The following DGKH variants were observed in gnomAD, a reference collection of about 807,000 sequenced individuals.
DGKH encodes DAG kinase eta.
DGKH carries 90 observed loss-of-function variants against 159.3 expected under a neutral mutation model. That is an observed-to-expected ratio of 0.57 (90% CI 0.48 to 0.67). The LOEUF is 0.67. Among genes scored for constraint, DGKH ranks in the 30% least tolerant of loss-of-function variants. The pLI, the probability that DGKH is intolerant of heterozygous loss-of-function variation, is 0.00. For synonymous variants in DGKH, 536 were observed against 553.8 expected (o/e 0.97, Z 0.45); for missense variants, 1,181 against 1,506.1 (o/e 0.78, Z 3.57).
chr13:42,192,251 T>G (rs949228339), intron 16 of DGKH, among the ~76,000 whole-genome samples: 8 of 152,196 alleles, frequency 5.3e-5, no homozygotes, highest in Non-Finnish European at 8.8e-5. Context: ...AGGCATGTTC[T>G]AGGACCCTTG....
chr13:42,115,885 A>G (rs1442165461), intron 1 of DGKH, among the ~76,000 whole-genome samples: 2 of 152,200 alleles, frequency 1.3e-5, no homozygotes, highest in Non-Finnish European at 2.9e-5. Flanking sequence ...GAGAGCACCT[A>G]GTAAACTATT....
At position 42,136,901 on chromosome 13, in the gene DGKH, C is replaced by T. The variant is rs115506698; in HGVS notation, c.384+7269C>T. On this transcript the variant is annotated intron_variant, in intron 3 of 29. Transcript: ENST00000337343. Reference sequence around the variant, plus strand: ...TAGCATTAGATTATTATTCTTTCTACGAGGGTTTAAAAGGTCTACATAAAA... The same window carrying T: ...TAGCATTAGATTATTATTCTTTCTATGAGGGTTTAAAAGGTCTACATAAAA... Among the ~76,000 whole-genome samples the T allele has an allele frequency of 3.0e-3, 449 of 152,128 alleles. 2 individuals carry two copies. The highest frequency in any genetic ancestry group is 0.01 in the African/African-American group (432 of 41,496).
At chr13:42,114,948 C>T (rs547289501) in intron 1 of DGKH, among the ~76,000 whole-genome samples, 4 of 152,288 alleles carry the variant, frequency 2.6e-5, no homozygotes, top group Admixed American at 1.3e-4. Context: ...CATAGCATTT[C>T]GGAGTTTACA....
At chr13:42,125,934 G>A (rs930546293) in intron 1 of DGKH, among the ~76,000 whole-genome samples, 3 of 152,122 alleles carry the variant, frequency 2.0e-5, no homozygotes, top group Non-Finnish European at 4.4e-5. Flanking sequence ...AAAAATTTTG[G>A]TTCTACAAGC....
chr13:42,141,660 G>A (rs1955563526), intron 3 of DGKH, among the ~76,000 whole-genome samples: 1 of 152,158 alleles, frequency 6.6e-6, no homozygotes, highest in South Asian at 2.1e-4. Context: ...GTATTGATGA[G>A]CATTTTTTCA....
chr13:42,047,609 A>T (rs947743636), upstream of DGKH, among the ~76,000 whole-genome samples: 1 of 152,124 alleles, frequency 6.6e-6, no homozygotes, highest in African/African-American at 2.4e-5. Context: ...GGCTTCTTTG[A>T]CGTTGAGCGT....
At chr13:42,103,491 C>T (rs998281347) in intron 1 of DGKH, among the ~76,000 whole-genome samples, 2 of 152,208 alleles carry the variant, frequency 1.3e-5, no homozygotes, top group Admixed American at 6.5e-5. Flanking sequence ...TCACTTCCCT[C>T]TGCGATTCCC....
intron 24 of DGKH, among the ~76,000 whole-genome samples, chr13:42,211,789 C>T (rs778022254): frequency 6.6e-6 from 1 of 152,126 alleles, no homozygotes; most frequent in Non-Finnish European, 1.5e-5. Context: ...AAAGGAGGAG[C>T]AAAGGCACGT....
At chr13:42,040,605 C>T (rs1880428487) in intron 1 of DGKH, among the ~76,000 whole-genome samples, 3 of 151,210 alleles carry the variant, frequency 2.0e-5, no homozygotes, top group African/African-American at 7.3e-5. Flanking sequence ...GCGGCGGTGG[C>T]GGGGAGCGGA....
intron 1 of DGKH, among the ~76,000 whole-genome samples, chr13:42,083,528 G>A (rs1313193100): frequency 6.6e-6 from 1 of 152,214 alleles, no homozygotes; most frequent in East Asian, 1.9e-4. Flanking sequence ...CGGGGTTCCT[G>A]GCGCCATTTT....
chr13:42,050,263 C>T (rs912870267), intron 1 of DGKH, among the ~76,000 whole-genome samples: 1 of 152,070 alleles, frequency 6.6e-6, no homozygotes, highest in Non-Finnish European at 1.5e-5. Flanking sequence ...CCCAGCTCCT[C>T]GGGAGGCTGA....
At chr13:42,099,673 C>A (rs1240496493) in intron 1 of DGKH, among the ~76,000 whole-genome samples, 1 of 152,144 alleles carries the variant, frequency 6.6e-6, no homozygotes, top group African/African-American at 2.4e-5. Context: ...ACGAGCTAGG[C>A]AACTATTTTG....
chr13:42,050,686 G>A (rs1881210335), intron 1 of DGKH, among the ~76,000 whole-genome samples: 1 of 145,250 alleles, frequency 6.9e-6, no homozygotes, highest in Non-Finnish European at 1.5e-5. Flanking sequence ...AAAATGGCAG[G>A]TAAAAAAAAA....
At chr13:42,087,117 G>A (rs930882424) in intron 1 of DGKH, among the ~76,000 whole-genome samples, 2 of 145,792 alleles carry the variant, frequency 1.4e-5, no homozygotes, top group African/African-American at 5.2e-5. Context: ...AATCCTTGAA[G>A]CTCATACAGA....
At chr13:42,201,135 G>C (rs1320208642) in intron 20 of DGKH, among the ~76,000 whole-genome samples, 2 of 152,026 alleles carry the variant, frequency 1.3e-5, no homozygotes. Flanking sequence ...TGGAACTACA[G>C]GTGCACGCCA....
intron 1 of DGKH, among the ~76,000 whole-genome samples, chr13:42,117,992 C>A (rs879635165): frequency 2.0e-5 from 3 of 152,052 alleles, no homozygotes; most frequent in African/African-American, 7.2e-5. Flanking sequence ...CCGAGACAGG[C>A]GGATCACGAG....
At chr13:42,250,576 G>A (rs982200270) in intron 29 of DGKH, among the ~76,000 whole-genome samples, 2 of 152,090 alleles carry the variant, frequency 1.3e-5, no homozygotes, top group Non-Finnish European at 2.9e-5. Context: ...CATACAAACT[G>A]GGGACTCTTA....
intron 3 of DGKH, among the ~76,000 whole-genome samples, chr13:42,151,528 C>CGT (rs1566134564): frequency 2.7e-5 from 2 of 74,028 alleles, no homozygotes; most frequent in African/African-American, 4.4e-5. Flanking sequence ...TATATATACA[C>CGT]GTGTATATAT....
At chr13:42,142,589 T>C (rs1594085120) in intron 3 of DGKH, among the ~76,000 whole-genome samples, 2 of 152,148 alleles carry the variant, frequency 1.3e-5, no homozygotes, top group East Asian at 3.9e-4. Context: ...TGGTTTGTAG[T>C]TCTCCTTGAA....
Sources: gnomAD v4.1 joint callset for allele counts (sites outside exome capture counted in the v4.1 genomes callset) on GRCh38, gnomAD v4.1.1 for gene constraint, MANE v1.5 for transcripts, NCBI Gene and HGNC (gene_info 2026-07-23, HGNC 2026-07-21) for gene names.